PGAP6: variants seen among roughly 807,000 people sequenced by gnomAD.
The protein encoded by PGAP6 is post-GPI attachment to proteins factor 6.
A neutral mutation model predicts 68.4 loss-of-function variants in PGAP6; 62 were observed. The observed-to-expected ratio is 0.91, with a 90% CI of 0.74 to 1.12. The LOEUF (loss-of-function observed/expected upper bound fraction) is 1.12, where lower values mean the gene tolerates loss of function less well. Among genes scored for constraint, PGAP6 ranks in the 50% most tolerant of loss-of-function variants. PGAP6 has a pLI of 0.00. For synonymous variants in PGAP6, 575 were observed against 474.0 expected, an observed-to-expected ratio of 1.21 and a Z score of -2.77; for missense variants, 1,188 against 1,068.5, an observed-to-expected ratio of 1.11 and a Z score of -1.56.
chr16:382,852 G>C (rs1236034228), upstream of PGAP6, among the ~76,000 whole-genome samples: 1 of 152,194 alleles, frequency 6.6e-6, no homozygotes, highest in African/African-American at 2.4e-5. Context: ...ACACCGCAGA[G>C]CTCACCTTAA....
upstream of PGAP6, among the ~76,000 whole-genome samples, chr16:385,726 G>T (rs1429185224): frequency 7.0e-6 from 1 of 142,982 alleles, no homozygotes; most frequent in Non-Finnish European, 1.5e-5. Context: ...CCAGGTTCAC[G>T]CCATTCTCCT....
At position 374,411 on chromosome 16, in the gene PGAP6, A is replaced by C. The variant is rs751395344; in HGVS notation, c.1577-12T>G. On this transcript the variant is annotated splice_polypyrimidine_tract_variant and intron_variant, in intron 9 of 12. Coordinates refer to ENST00000431232, the MANE Select transcript of PGAP6 (RefSeq NM_021259.3). ...CCACCCACGCCAGCCTGCGGTCACAAAACCCCGACGCGGAGGCTGGGGGCA... is the reference window on the plus strand; with the variant it reads ...CCACCCACGCCAGCCTGCGGTCACACAACCCCGACGCGGAGGCTGGGGGCA... The C allele has an allele frequency of 6.4e-7, 1 of 1,555,364 alleles. No individual in the cohort carries two copies. Among genetic ancestry groups the C allele is most frequent in the Non-Finnish European group, 8.7e-7 (1 of 1,154,926 alleles).
chr16:374,704 C>T, intron 9 of PGAP6, 52 bp downstream of exon 9: 1 of 1,604,660 alleles, frequency 6.2e-7, no homozygotes, highest in Non-Finnish European at 8.5e-7. Flanking sequence ...CAGCACAGCA[C>T]TGGAAGCCAA....
At chr16:384,577 C>T (rs1201234801), upstream of PGAP6, among the ~76,000 whole-genome samples, 4 of 152,198 alleles carry the variant, frequency 2.6e-5, no homozygotes, top group African/African-American at 4.8e-5. Flanking sequence ...TGGAGAGGGC[C>T]GGGCGCGGTG....
At chr16:372,551 G>A (rs1325896588) in intron 12 of PGAP6, 60 bp downstream of exon 12, 3 of 1,362,978 alleles carry the variant, frequency 2.2e-6, no homozygotes, top group East Asian at 4.6e-5. Flanking sequence ...GCTAGAGCAA[G>A]GGGCCAGGCT....
chr16:377,693 A>G lies in PGAP6; in HGVS notation c.277T>C (p.Cys93Arg). ...LQVSRESGAACTDAEITVHFR... is the reference protein window; with the variant it reads ...LQVSRESGAARTDAEITVHFR... ...TACACGGTGATCTCCGCGTCGGTGCAGGCAGCGCCGCTCTCCCGGGAGACC... is the reference window on the plus strand; with the variant it reads ...TACACGGTGATCTCCGCGTCGGTGCGGGCAGCGCCGCTCTCCCGGGAGACC... Residue 93 changes from cysteine to arginine, a missense_variant, in exon 2 of 13, where the codon TGC (cysteine) becomes CGC (arginine). By Grantham distance (180) the Cys-to-Arg change is radical. Transcript: ENST00000431232. The G allele has an allele frequency of 6.3e-7, 1 of 1,590,938 alleles. No individual in the cohort carries two copies. Among genetic ancestry groups the G allele is most frequent in the East Asian group, 2.3e-5 (1 of 43,616 alleles).
chr16:385,890 C>T (rs1226378361), upstream of PGAP6, among the ~76,000 whole-genome samples: 4 of 152,224 alleles, frequency 2.6e-5, no homozygotes, highest in East Asian at 7.7e-4. Flanking sequence ...TCTCAAAGTG[C>T]TGGGATTACA....
chr16:382,382 C>CGCCCT (rs982193435), upstream of PGAP6: 35 of 378,818 alleles, frequency 9.2e-5, no homozygotes, highest in Admixed American at 8.2e-4. Flanking sequence ...GAGGAACCCG[C>CGCCCT]GCCCTGCCCT....
intron 1 of PGAP6, among the ~76,000 whole-genome samples, chr16:378,627 A>G (rs1038977726): frequency 6.6e-6 from 1 of 152,156 alleles, no homozygotes; most frequent in Non-Finnish European, 1.5e-5. Flanking sequence ...CTCATCACAG[A>G]TGCCCTGGAT....
rs778749729 is a variant in PGAP6, at chr16:374,221, C to T, written c.1755G>A (p.Thr585=). The change falls in exon 10 of 13, where the codon ACG becomes ACA. Residue 585 remains threonine, a splice_region_variant and synonymous_variant. Transcript: ENST00000431232. Reference sequence around the variant, plus strand: ...ATCCCTGCAGGAGGGGCCAGCCTACCGTGGAGAAGAACATGGTGTAGGCGT... The same window carrying T: ...ATCCCTGCAGGAGGGGCCAGCCTACTGTGGAGAAGAACATGGTGTAGGCGT... ...SVYAYTMFFS[T]FYHACDQPGE... 1.3e-5 allele frequency: 21 copies of T among 1,609,992 alleles called. No individual in the cohort carries two copies. Among genetic ancestry groups the T allele is most frequent in the Admixed American group, 1.2e-4 (7 of 59,902 alleles).
chr16:376,659 CCAGGGGG>C lies in PGAP6; in HGVS notation c.782_788del (p.Ala261GlyfsTer18). 6.2e-7 allele frequency: 1 copy of C among 1,609,436 alleles called. No homozygotes were observed. Among genetic ancestry groups the C allele is most frequent in the Non-Finnish European group, 8.5e-7 (1 of 1,178,608 alleles). The stretch of plus-strand genomic sequence containing the variant: ...GTGAGGGCAGCAGCAGGCGGCAGGG[CCAGGGGG>C]CACCGGTGCAGGTGAGCACCTTCTG... On this transcript the variant is annotated frameshift_variant, in exon 5 of 13. Coordinates refer to ENST00000431232, the MANE Select transcript of PGAP6 (RefSeq NM_021259.3). LOFTEE classifies it high-confidence loss of function.
chr16:385,919 C>T (rs1056346317), upstream of PGAP6, among the ~76,000 whole-genome samples: 2 of 152,164 alleles, frequency 1.3e-5, no homozygotes, highest in Non-Finnish European at 1.5e-5. Flanking sequence ...CCACCGCGCC[C>T]GGCCTACTCT....
At chr16:381,220 G>T (rs1413536849) in intron 1 of PGAP6, among the ~76,000 whole-genome samples, 1 of 152,246 alleles carries the variant, frequency 6.6e-6, no homozygotes, top group East Asian at 1.9e-4. Context: ...GCCGTACCAG[G>T]GCTGGGGGTC....
At chr16:382,151 G>T (rs1597167777), upstream of PGAP6, 7 of 384,470 alleles carry the variant, frequency 1.8e-5, no homozygotes, top group African/African-American at 6.3e-5. Context: ...GGTCCGGGGG[G>T]ACGCTGGAGG....
rs778495037 is a variant in PGAP6 at position 377,434 on chromosome 16, C to G, written c.451G>C (p.Gly151Arg). The G allele has an allele frequency of 3.1e-6, 5 of 1,609,820 alleles. No individual in the cohort carries two copies. The highest frequency in any genetic ancestry group is 1.3e-5 in the African/African-American group (1 of 74,756). The change falls in exon 3 of 13, where the codon GGG becomes CGG. Residue 151 changes from glycine to arginine, a missense_variant. Gly to Arg is a moderately radical substitution (Grantham distance 125). Coordinates refer to ENST00000431232, the MANE Select transcript of PGAP6 (RefSeq NM_021259.3). Reference protein sequence around the residue: ...ASVNVSHPAPGDWFVAAHLPP... With the variant: ...ASVNVSHPAPRDWFVAAHLPP... ...AGGTGGGCGGCCACGAACCAGTCCC[C>G]GGGGGCCGGGTGGGAAACGTTGACG...
intron 1 of PGAP6, among the ~76,000 whole-genome samples, chr16:380,883 G>A (rs2054431364): frequency 6.6e-6 from 1 of 152,162 alleles, no homozygotes; most frequent in South Asian, 2.1e-4. Flanking sequence ...GGCTGGGGAC[G>A]TGTGGGAACT....
At chr16:380,371 TC>T (rs1415637398) in intron 1 of PGAP6, among the ~76,000 whole-genome samples, 263 of 148,408 alleles carry the variant, frequency 1.8e-3, no homozygotes, top group African/African-American at 6.5e-3. Flanking sequence ...TTTCTGTCTT[TC>T]TTTTTTTTTT....
Position 376,587 on chromosome 16 carries a change from C to A in PGAP6, c.861G>T (p.Gly287=), listed in dbSNP as rs1597161518. 2 of 1,577,064 alleles carry A rather than the reference C, an allele frequency of 1.3e-6. No individual in the cohort carries two copies. The highest frequency in any genetic ancestry group is 1.7e-4 in the Middle Eastern group (1 of 5,768). The change falls in exon 5 of 13, where the codon GGG becomes GGT. Residue 287 remains glycine (G), a synonymous_variant. Transcript: ENST00000431232. ...WLQVTAESLV[G]PLGTVAFSAV... ...CACTGAAAGCCACTGTCCCGAGGGGCCCCACCAGGCTCTCAGCTGTCACTT... is the reference window on the plus strand; with the variant it reads ...CACTGAAAGCCACTGTCCCGAGGGGACCCACCAGGCTCTCAGCTGTCACTT...
upstream of PGAP6, chr16:382,246 C>T (rs1170456922): frequency 7.6e-6 from 3 of 393,462 alleles, no homozygotes; most frequent in Non-Finnish European, 1.3e-5. Context: ...AAATTCTCCC[C>T]GAGGCGTGGG....
Sources: gnomAD v4.1 joint callset for allele counts (sites outside exome capture counted in the v4.1 genomes callset) on GRCh38, gnomAD v4.1.1 for gene constraint, MANE v1.5 for transcripts, NCBI Gene and HGNC (gene_info 2026-07-23, HGNC 2026-07-21) for gene names.